Variants in DIAPH2 observed in about 807,000 individuals in gnomAD.
DIAPH2 encodes diaphanous related formin 2, also known as protein diaphanous homolog 2.
DIAPH2 carries 35 observed loss-of-function variants against 92.7 expected under a neutral mutation model. That is an observed-to-expected ratio of 0.38 (90% CI 0.29 to 0.50). The LOEUF is 0.50. Among genes scored for constraint, DIAPH2 ranks in the 20% least tolerant of loss-of-function variants. The probability of loss-of-function intolerance (pLI) is 0.94; values close to 1 mark genes in which losing one functional copy is unlikely to be tolerated. For missense variants in DIAPH2, 701 were observed against 819.5 expected (o/e 0.86, Z 1.77); for synonymous variants, 301 against 280.4 (o/e 1.07, Z -0.73).
chrX:97,128,823 G>T (rs1262774315), intron 21 of DIAPH2, among the ~76,000 whole-genome samples: 1 of 112,204 alleles, frequency 8.9e-6, no homozygotes, highest in Non-Finnish European at 1.9e-5. Context: ...TTCACTTAGT[G>T]TAAAGTTGTG....
chrX:97,300,911 C>G (rs1257649922), intron 23 of DIAPH2, among the ~76,000 whole-genome samples: 14 of 70,991 alleles, frequency 2.0e-4, no homozygotes, highest in African/African-American at 2.8e-4. Flanking sequence ...CAGCCTGGGC[C>G]ACAGAGCAAG....
intron 26 of DIAPH2, among the ~76,000 whole-genome samples, chrX:97,534,036 A>T (rs983728262): frequency 9.0e-6 from 1 of 111,419 alleles, no homozygotes; most frequent in Non-Finnish European, 1.9e-5. Flanking sequence ...TTATGTTCAC[A>T]GTCAGTATAT....
Position 97,253,373 on chromosome X carries a change from T to C in DIAPH2, c.2844+5534T>C, listed in dbSNP as rs966583744. Among the ~76,000 whole-genome samples, 11 of 111,345 alleles carry C rather than the reference T, an allele frequency of 9.9e-5. No individual in the cohort carries two copies. In the East Asian group the frequency reaches 3.1e-3, roughly 31 times the overall value. On this transcript the variant is annotated intron_variant, in intron 23 of 26. Transcript: ENST00000324765. ...AAGATTCTTAGCATTTTTTGAAATA[T>C]ACTCTCTTGACAATGGTACTGGTCA...
chrX:96,908,293 G>A (rs1423118798), intron 5 of DIAPH2, among the ~76,000 whole-genome samples: 2 of 111,505 alleles, frequency 1.8e-5, no homozygotes, highest in African/African-American at 6.5e-5. Context: ...GGTTGGTTAT[G>A]AAAATTATTA....
rs188907439 is a variant in DIAPH2, at chrX:96,695,626, A to G, written c.132+10436A>G. 4.0e-3 allele frequency among the ~76,000 whole-genome samples: 448 copies of G among 111,982 alleles called. 1 individual carries two copies. Among genetic ancestry groups the G allele is most frequent in the Non-Finnish European group, 6.2e-3 (329 of 53,143 alleles). On this transcript the variant is annotated intron_variant, in intron 1 of 26. Transcript: ENST00000324765. ...GGGCCCAATTTTTCACATTCTTCCT[A>G]TGGGTTCTGTTATAGCTAATTGTAG... is the stretch of plus-strand genomic sequence containing the variant.
intron 4 of DIAPH2, among the ~76,000 whole-genome samples, chrX:96,855,413 G>A (rs1201653629): frequency 3.6e-5 from 4 of 110,031 alleles, no homozygotes; most frequent in African/African-American, 9.9e-5. Flanking sequence ...AATACAATAC[G>A]TACTAAAAAA....
At chrX:96,928,390 A>G (rs907326517) in intron 9 of DIAPH2, among the ~76,000 whole-genome samples, 6 of 111,403 alleles carry the variant, frequency 5.4e-5, no homozygotes, top group African/African-American at 1.3e-4. Context: ...TGTCATGTTT[A>G]TAATTAAGTA....
chrX:96,791,799 G>GT (rs1188995078), intron 4 of DIAPH2, among the ~76,000 whole-genome samples: 10 of 108,972 alleles, frequency 9.2e-5, no homozygotes, highest in Admixed American at 3.0e-4. Context: ...TGTGATAAAT[G>GT]TTTTTTTTTG....
chrX:96,895,388 A>G lies in DIAPH2; in HGVS notation c.587+13670A>G, dbSNP rs749623219. ...ATTAGATAAATGTGAATTATCAAAT[A>G]GCACTGTGGAGATTACAAGCATTAT... On this transcript the variant is annotated intron_variant, in intron 5 of 26. Transcript: ENST00000324765. Among the ~76,000 whole-genome samples the G allele has an allele frequency of 4.5e-5, 5 of 112,161 alleles. No homozygotes were observed. In the South Asian group the frequency reaches 1.5e-3, roughly 33 times the overall value.
At chrX:96,991,204 T>C (rs1054070831) in intron 17 of DIAPH2, among the ~76,000 whole-genome samples, 21 of 109,894 alleles carry the variant, frequency 1.9e-4, no homozygotes, top group Non-Finnish European at 3.2e-4. Context: ...AACCTCTGCC[T>C]CCCAGGTTCA....
At chrX:96,791,767 A>T (rs902454232) in intron 4 of DIAPH2, among the ~76,000 whole-genome samples, 1 of 110,720 alleles carries the variant, frequency 9.0e-6, no homozygotes, top group African/African-American at 3.3e-5. Flanking sequence ...TTTACTGACC[A>T]CTTACTGTGC....
intron 26 of DIAPH2, among the ~76,000 whole-genome samples, chrX:97,522,776 A>T (rs1304782834): frequency 8.9e-6 from 1 of 112,249 alleles, no homozygotes; most frequent in Non-Finnish European, 1.9e-5. Flanking sequence ...ATTACTGCAA[A>T]CAGTATATTT....
At position 97,604,669 on chromosome X, in the gene DIAPH2, C is replaced by T. The variant is rs751105220; in HGVS notation, c.*5352C>T. 3.6e-5 allele frequency: 4 copies of T among 112,266 alleles called. No individual in the cohort carries two copies. The highest frequency in any genetic ancestry group is 7.5e-5 in the Non-Finnish European group (4 of 53,198). 9.3% of individuals were successfully genotyped at this position (112,266 alleles called of 1,213,427 possible). ...TGTACCTCTTCTGCCCCTTTTATGA[C>T]ACCTTTGACCAAATGCCTTCTATGG... On this transcript the variant is annotated 3_prime_UTR_variant, in exon 27 of 27. Coordinates refer to ENST00000324765, the MANE Select transcript of DIAPH2 (RefSeq NM_006729.5).
At chrX:96,938,150 C>G (rs2065670411) in intron 11 of DIAPH2, among the ~76,000 whole-genome samples, 1 of 110,999 alleles carries the variant, frequency 9.0e-6, no homozygotes, top group African/African-American at 3.3e-5. Flanking sequence ...CTTGTTTGTT[C>G]TATTTTATTT....
intron 4 of DIAPH2, among the ~76,000 whole-genome samples, chrX:96,836,713 A>AT (rs1569409260): frequency 3.7e-3 from 85 of 22,694 alleles, no homozygotes; most frequent in South Asian, 8.0e-3. Flanking sequence ...ATATATATAT[A>AT]TATATTTTTT....
chrX:96,840,799 G>A (rs233689), intron 4 of DIAPH2, among the ~76,000 whole-genome samples: 43,479 of 106,662 alleles, frequency 0.41, 8,075 homozygotes, highest in African/African-American at 0.71. Flanking sequence ...ATTTTTAGTA[G>A]AGACGGGGTT....
chrX:97,053,770 A>T (rs145708120), intron 17 of DIAPH2, among the ~76,000 whole-genome samples: 196 of 111,690 alleles, frequency 1.8e-3, no homozygotes, highest in African/African-American at 6.0e-3. Flanking sequence ...AAAAATCAAT[A>T]CAGTCTACAC....
At chrX:97,137,741 G>A (rs2067183208) in intron 21 of DIAPH2, among the ~76,000 whole-genome samples, 1 of 111,141 alleles carries the variant, frequency 9.0e-6, no homozygotes, top group African/African-American at 3.3e-5. Context: ...AGCAGCAGGA[G>A]GCAGGTTAGA....
intron 4 of DIAPH2, among the ~76,000 whole-genome samples, chrX:96,879,104 C>G (rs1294093051): frequency 8.9e-6 from 1 of 112,026 alleles, no homozygotes; most frequent in South Asian, 3.7e-4. Context: ...GGCAAGAATC[C>G]TGTCATAAGA....
Sources: gnomAD v4.1 joint callset for allele counts (sites outside exome capture counted in the v4.1 genomes callset) on GRCh38, gnomAD v4.1.1 for gene constraint, MANE v1.5 for transcripts, NCBI Gene and HGNC (gene_info 2026-07-23, HGNC 2026-07-21) for gene names.